TAFA1: variants seen among roughly 807,000 people sequenced by gnomAD.
TAFA1 encodes the protein TAFA chemokine like family member 1, also known as chemokine-like protein TAFA-1.
TAFA1 carries 4 observed loss-of-function variants against 18.5 expected under a neutral mutation model. That is an observed-to-expected ratio of 0.22 (90% CI 0.11 to 0.49). TAFA1 has a LOEUF of 0.49. Among genes scored for constraint, TAFA1 ranks in the 20% least tolerant of loss-of-function variants. The pLI, the probability that TAFA1 is intolerant of heterozygous loss-of-function variation, is 0.98. For synonymous variants in TAFA1, 56 were observed against 55.2 expected, an observed-to-expected ratio of 1.01 and a Z score of -0.06; for missense variants, 147 against 169.0, an observed-to-expected ratio of 0.87 and a Z score of 0.72.
At chr3:68,274,557 T>C (rs543835890) in intron 2 of TAFA1, among the ~76,000 whole-genome samples, 71 of 152,342 alleles carry the variant, frequency 4.7e-4, no homozygotes, top group African/African-American at 1.7e-3. Context: ...CAGCCTGCTT[T>C]GGCTACTCTT....
intron 3 of TAFA1, among the ~76,000 whole-genome samples, chr3:68,437,313 T>A (rs1318807336): frequency 6.6e-6 from 1 of 152,186 alleles, no homozygotes; most frequent in Non-Finnish European, 1.5e-5. Context: ...TATGTCCAGG[T>A]CTACATAAAG....
intron 2 of TAFA1, among the ~76,000 whole-genome samples, chr3:68,289,834 T>A (rs2068077409): frequency 6.6e-6 from 1 of 152,112 alleles, no homozygotes. Flanking sequence ...GGCAAGAGAT[T>A]TGTGGAGCAA....
rs369215527 is a variant in TAFA1, at chr3:68,242,142, C to T, written c.119-175138C>T. Among the ~76,000 whole-genome samples the T allele has an allele frequency of 3.3e-5, 5 of 152,222 alleles. No homozygotes were observed. In the East Asian group the frequency reaches 9.7e-4, roughly 29 times the overall value. On this transcript the variant is annotated intron_variant, in intron 2 of 4. Transcript: ENST00000478136. Reference sequence around the variant, plus strand: ...AGCTTCAGATGGGAGCTGGTAAGAGCTTTTTGTTGAAATGAATGAGCTTAG... The same window carrying T: ...AGCTTCAGATGGGAGCTGGTAAGAGTTTTTTGTTGAAATGAATGAGCTTAG...
chr3:68,178,732 C>G (rs1402694061), intron 2 of TAFA1, among the ~76,000 whole-genome samples: 2 of 152,160 alleles, frequency 1.3e-5, no homozygotes, highest in Non-Finnish European at 2.9e-5. Flanking sequence ...ATGAGATTAG[C>G]TGGGAAAAGG....
chr3:68,247,295 C>T (rs1013145882), intron 2 of TAFA1: 1 of 151,938 alleles, frequency 6.6e-6, no homozygotes, highest in Non-Finnish European at 1.5e-5. Context: ...TTTCTCATTT[C>T]TTCTCCTCCT....
At chr3:68,469,404 G>T (rs1327987202) in intron 3 of TAFA1, among the ~76,000 whole-genome samples, 1 of 152,160 alleles carries the variant, frequency 6.6e-6, no homozygotes, top group Non-Finnish European at 1.5e-5. Context: ...GCCGGGCGCA[G>T]TGGCTCACAC....
intron 2 of TAFA1, among the ~76,000 whole-genome samples, chr3:68,254,732 A>T (rs1350607062): frequency 1.3e-5 from 2 of 152,120 alleles, no homozygotes; most frequent in East Asian, 1.9e-4. Context: ...ATTAAGTCCC[A>T]GTTCTCTGAA....
At chr3:68,075,799 C>T (rs1463718029) in intron 2 of TAFA1, among the ~76,000 whole-genome samples, 1 of 151,802 alleles carries the variant, frequency 6.6e-6, no homozygotes, top group African/African-American at 2.4e-5. Flanking sequence ...CAGGCTCAGG[C>T]CATCCTCCTT....
intron 2 of TAFA1, among the ~76,000 whole-genome samples, chr3:68,112,327 T>C (rs2106839304): frequency 6.6e-6 from 1 of 152,292 alleles, no homozygotes. Context: ...TATTCAGAAA[T>C]TCAAAGTTGT....
At chr3:68,386,721 G>T (rs1215786854) in intron 2 of TAFA1, among the ~76,000 whole-genome samples, 2 of 152,110 alleles carry the variant, frequency 1.3e-5, no homozygotes, top group Non-Finnish European at 2.9e-5. Context: ...TTTTCTGTTG[G>T]CCTCTTGGGT....
chr3:68,350,738 A>G (rs980211943), intron 2 of TAFA1, among the ~76,000 whole-genome samples: 1 of 152,074 alleles, frequency 6.6e-6, no homozygotes, highest in Non-Finnish European at 1.5e-5. Context: ...TTAAGCATTG[A>G]TGAAGAGGTT....
At chr3:68,323,198 G>A (rs550793239) in intron 2 of TAFA1, among the ~76,000 whole-genome samples, 31 of 152,230 alleles carry the variant, frequency 2.0e-4, no homozygotes, top group African/African-American at 6.5e-4. Flanking sequence ...AGACCCAGGC[G>A]AACTAAACAT....
At chr3:68,380,385 C>A (rs1453744705) in intron 2 of TAFA1, among the ~76,000 whole-genome samples, 1 of 152,188 alleles carries the variant, frequency 6.6e-6, no homozygotes. Context: ...GTCCCACCAA[C>A]AGTGTAAAAG....
chr3:68,150,991 T>C (rs759962363), intron 2 of TAFA1, among the ~76,000 whole-genome samples: 1 of 151,902 alleles, frequency 6.6e-6, no homozygotes, highest in Non-Finnish European at 1.5e-5. Context: ...CACTAGAAAC[T>C]AGAAACTAAA....
At chr3:68,526,809 T>C (rs931806908) in intron 3 of TAFA1, among the ~76,000 whole-genome samples, 1 of 152,120 alleles carries the variant, frequency 6.6e-6, no homozygotes, top group Non-Finnish European at 1.5e-5. Flanking sequence ...TTTTAAATAA[T>C]TATCCATATG....
intron 3 of TAFA1, among the ~76,000 whole-genome samples, chr3:68,490,152 G>C (rs1364702263): frequency 1.3e-5 from 2 of 152,166 alleles, no homozygotes; most frequent in East Asian, 1.9e-4. Flanking sequence ...TGATGTTATT[G>C]GTAATGATAT....
intron 3 of TAFA1, among the ~76,000 whole-genome samples, chr3:68,435,297 G>C (rs1035457190): frequency 6.6e-6 from 1 of 152,118 alleles, no homozygotes; most frequent in Non-Finnish European, 1.5e-5. Flanking sequence ...TGCCTGGGTA[G>C]AGAAGGGTGT....
At chr3:68,206,306 C>G (rs2066525643) in intron 2 of TAFA1, among the ~76,000 whole-genome samples, 3 of 151,768 alleles carry the variant, frequency 2.0e-5, no homozygotes, top group Admixed American at 2.0e-4. Context: ...AGAATAACAA[C>G]CAATGGCAAA....
chr3:68,301,781 G>A (rs895060920), intron 2 of TAFA1, among the ~76,000 whole-genome samples: 1 of 152,178 alleles, frequency 6.6e-6, no homozygotes, highest in Non-Finnish European at 1.5e-5. Context: ...GACAACTGGT[G>A]CTTATGTGGG....
Sources: allele counts gnomAD v4.1 joint callset (sites outside exome capture counted in the v4.1 genomes callset), GRCh38; gene constraint gnomAD v4.1.1; transcripts MANE v1.5; gene names NCBI Gene and HGNC (gene_info 2026-07-23, HGNC 2026-07-21).